The following WIF1 variants were observed in gnomAD, a reference collection of about 807,000 sequenced individuals.
WIF1 encodes the protein Wnt inhibitory factor 1.
In WIF1, 35 loss-of-function variants were observed where a neutral mutation model predicts 53.5. That is an observed-to-expected ratio of 0.65 (90% CI 0.50 to 0.87). The LOEUF (loss-of-function observed/expected upper bound fraction) is 0.87. Ranked by LOEUF, WIF1 falls within the 40% of genes least tolerant of loss-of-function variation. WIF1 has a pLI of 0.00. For missense variants in WIF1, 467 were observed against 476.8 expected (o/e 0.98, Z 0.19); for synonymous variants, 171 against 170.4 (o/e 1.00, Z -0.03).
chr12:65,112,108 G>A (rs1238860009), intron 2 of WIF1, among the ~76,000 whole-genome samples: 1 of 152,154 alleles, frequency 6.6e-6, no homozygotes, highest in East Asian at 1.9e-4. Flanking sequence ...AATATTTGAA[G>A]ATGCAGGCTT....
chr12:65,055,667 C>T (rs961504153), intron 8 of WIF1, among the ~76,000 whole-genome samples: 2 of 152,142 alleles, frequency 1.3e-5, no homozygotes, highest in African/African-American at 4.8e-5. Context: ...CCCAGCTACT[C>T]GGGAGGCCGA....
At chr12:65,067,377 A>T (rs1215966829) in intron 5 of WIF1, among the ~76,000 whole-genome samples, 2 of 152,194 alleles carry the variant, frequency 1.3e-5, no homozygotes, top group Non-Finnish European at 2.9e-5. Context: ...CTTAGTTGTG[A>T]ATCAAGCTAC....
chr12:65,076,515 C>T (rs1882863182), intron 3 of WIF1, among the ~76,000 whole-genome samples: 1 of 152,134 alleles, frequency 6.6e-6, no homozygotes, highest in Non-Finnish European at 1.5e-5. Flanking sequence ...TTAAGAAGCT[C>T]ATAGTTCCTA....
intron 2 of WIF1, among the ~76,000 whole-genome samples, chr12:65,115,174 T>TAAAAA (rs35429732): frequency 9.4e-6 from 1 of 106,760 alleles, no homozygotes; most frequent in African/African-American, 3.7e-5. Context: ...TTGTCATTGC[T>TAAAAA]AAAAAAAAAA....
At chr12:65,079,891 C>T (rs1348729594) in intron 2 of WIF1, among the ~76,000 whole-genome samples, 1 of 152,022 alleles carries the variant, frequency 6.6e-6, no homozygotes, top group Non-Finnish European at 1.5e-5. Context: ...TTAATTTTTG[C>T]ATTCTATCTA....
chr12:65,067,546 C>T (rs1882705839), intron 5 of WIF1, 149 bp downstream of exon 5: 2 of 715,278 alleles, frequency 2.8e-6, no homozygotes. Flanking sequence ...GGAATGGCCA[C>T]AGAAAGTGAT....
chr12:65,079,196 G>C (rs896043777), intron 2 of WIF1, among the ~76,000 whole-genome samples: 1 of 147,952 alleles, frequency 6.8e-6, no homozygotes, highest in Non-Finnish European at 1.5e-5. Flanking sequence ...TGAAAGAGAG[G>C]CATTACTAGA....
intron 2 of WIF1, among the ~76,000 whole-genome samples, chr12:65,087,443 G>A (rs1292173836): frequency 6.6e-6 from 1 of 151,944 alleles, no homozygotes; most frequent in African/African-American, 2.4e-5. Context: ...TCATTCTATT[G>A]ATAAAAAGTA....
intron 2 of WIF1, among the ~76,000 whole-genome samples, chr12:65,104,130 G>A (rs149235197): frequency 1.2e-4 from 19 of 152,218 alleles, no homozygotes; most frequent in African/African-American, 3.4e-4. Context: ...GATAATCCAC[G>A]TAAATTACCT....
Position 65,051,381 on chromosome 12 carries a change from G to A in WIF1, c.1108C>T (p.Arg370Trp), listed in dbSNP as rs778038947. 7 of 1,613,692 alleles carry A rather than the reference G, an allele frequency of 4.3e-6. No homozygotes were observed. The highest frequency in any genetic ancestry group is 4.0e-5 in the African/African-American group (3 of 74,938). ...TPSLKKAEER[R>W]DPPESNYIW ...ATGTAATTGGATTCAGGTGGATCCC[G>A]CCGCTCCTCGGCCTTTTTAAGTGAA... Residue 370 changes from arginine to tryptophan, a missense_variant, in exon 10 of 10, where the codon CGG becomes TGG. Coordinates refer to ENST00000286574, the MANE Select transcript of WIF1 (RefSeq NM_007191.5).
Position 65,050,760 on chromosome 12 carries a change from T to G in WIF1, c.*589A>C, listed in dbSNP as rs746957942. Reference sequence around the variant, plus strand: ...CAAAAAGTTCATACATTATATTCCCTATTTCATTGTGTTTAGAATATATTA... The same window carrying G: ...CAAAAAGTTCATACATTATATTCCCGATTTCATTGTGTTTAGAATATATTA... On this transcript the variant is annotated 3_prime_UTR_variant, in exon 10 of 10. Transcript: ENST00000286574. 3 of 191,114 alleles carry G rather than the reference T, an allele frequency of 1.6e-5. No individual in the cohort carries two copies. The highest frequency in any genetic ancestry group is 2.2e-5 in the Non-Finnish European group (2 of 91,170). The allele number at this position is 191,114 out of a possible 1,614,324, so 11.8% of individuals were successfully genotyped here.
rs138298754 is a variant in WIF1 at position 65,093,074 on chromosome 12, G to T, written c.289-15220C>A. 6.3e-4 allele frequency among the ~76,000 whole-genome samples: 96 copies of T among 152,236 alleles called. No individual in the cohort carries two copies. In the South Asian group the frequency reaches 7.9e-3, roughly 12 times the overall value. ...ATTTTAACTACCACACAGAAGAGGA[G>T]ATTTTAATTACTGGCATGAGAATAA... On this transcript the variant is annotated intron_variant, in intron 2 of 9. Coordinates refer to ENST00000286574, the MANE Select transcript of WIF1 (RefSeq NM_007191.5).
At chr12:65,058,622 T>A (rs536846087) in intron 7 of WIF1, among the ~76,000 whole-genome samples, 26 of 152,332 alleles carry the variant, frequency 1.7e-4, no homozygotes, top group Middle Eastern at 3.4e-3. Context: ...ATCTGATTGT[T>A]TTAAAATTCA....
intron 2 of WIF1, 91 bp downstream of exon 2, chr12:65,120,326 G>A: frequency 7.6e-7 from 1 of 1,320,116 alleles, no homozygotes. Flanking sequence ...CTTAATAACT[G>A]TAAAATGTAC....
At chr12:65,080,477 G>GA (rs747295692) in intron 2 of WIF1, among the ~76,000 whole-genome samples, 6 of 152,080 alleles carry the variant, frequency 3.9e-5, no homozygotes, top group Non-Finnish European at 8.8e-5. Context: ...GTCCCTGCAG[G>GA]AAAACCAATG....
chr12:65,055,625 A>T (rs549419386), intron 8 of WIF1, among the ~76,000 whole-genome samples: 9 of 152,240 alleles, frequency 5.9e-5, no homozygotes, highest in African/African-American at 1.2e-4. Context: ...AAATACGAAG[A>T]TTGGCCGGGT....
chr12:65,097,771 C>T (rs543881234), intron 2 of WIF1, among the ~76,000 whole-genome samples: 36 of 152,268 alleles, frequency 2.4e-4, no homozygotes, highest in African/African-American at 7.7e-4. Flanking sequence ...CTTTCTGTTG[C>T]CATTTTTATA....
At chr12:65,068,690 G>GTGT in intron 4 of WIF1, 74 bp downstream of exon 4, 3 of 1,212,182 alleles carry the variant, frequency 2.5e-6, no homozygotes, top group African/African-American at 2.1e-5. Context: ...TGTGTGTATA[G>GTGT]ATATAAATAT....
intron 7 of WIF1, among the ~76,000 whole-genome samples, chr12:65,059,548 T>C (rs1416188242): frequency 1.3e-5 from 2 of 152,230 alleles, no homozygotes; most frequent in East Asian, 3.8e-4. Flanking sequence ...TAACAAGATG[T>C]ATGTACACAC....
Sources: allele counts gnomAD v4.1 joint callset (sites outside exome capture counted in the v4.1 genomes callset), GRCh38; gene constraint gnomAD v4.1.1; transcripts MANE v1.5; gene names NCBI Gene and HGNC (gene_info 2026-07-23, HGNC 2026-07-21).